Variants in SLC2A9 observed in about 807,000 individuals in gnomAD.
The protein encoded by SLC2A9 is solute carrier family 2, facilitated glucose transporter member 9.
SLC2A9 carries 39 observed loss-of-function variants against 50.6 expected under a neutral mutation model. The ratio of observed to expected loss-of-function variants is 0.77; its 90% CI spans 0.60 to 1.01. The LOEUF is 1.01. SLC2A9 is among the 50% of genes least tolerant of loss of function. The probability of loss-of-function intolerance (pLI) is 0.00; values close to 1 mark genes in which losing one functional copy is unlikely to be tolerated. For synonymous variants in SLC2A9, 324 were observed against 276.9 expected (o/e 1.17, Z -1.69); for missense variants, 686 against 677.6 (o/e 1.01, Z -0.14).
chr4:10,018,553 T>C (rs1390317438), intron 2 of SLC2A9, among the ~76,000 whole-genome samples: 2 of 143,074 alleles, frequency 1.4e-5, no homozygotes, highest in Admixed American at 1.4e-4. Context: ...AGATGATAGA[T>C]AGATAGATAG....
chr4:9,778,079 T>C (rs1717816196), downstream of SLC2A9, among the ~76,000 whole-genome samples: 1 of 149,970 alleles, frequency 6.7e-6, no homozygotes, highest in South Asian at 2.2e-4. Context: ...CTTCCTTCCT[T>C]CCTTCCTTCC....
intron 6 of SLC2A9, among the ~76,000 whole-genome samples, chr4:9,926,498 G>C (rs1341631399): frequency 6.6e-6 from 1 of 151,356 alleles, no homozygotes; most frequent in African/African-American, 2.4e-5. Context: ...GTTCGATGTT[G>C]GCACACACAA....
chr4:9,967,042 CT>C (rs796142162), intron 5 of SLC2A9, among the ~76,000 whole-genome samples: 11 of 152,206 alleles, frequency 7.2e-5, no homozygotes, highest in African/African-American at 2.7e-4. Flanking sequence ...CATACACTTG[CT>C]TATTCTCTTG....
intron 10 of SLC2A9, among the ~76,000 whole-genome samples, chr4:9,848,312 T>C (rs1729298795): frequency 6.7e-6 from 1 of 148,586 alleles, no homozygotes; most frequent in Admixed American, 6.8e-5. Context: ...CCAGCATAAG[T>C]AACTACACAA....
At chr4:10,036,024 C>A in intron 1 of SLC2A9, 1 of 205,210 alleles carries the variant, frequency 4.9e-6, no homozygotes, top group South Asian at 9.4e-5. Context: ...CCAGGGTCTC[C>A]AGCTTGCAGA....
chr4:9,791,282 C>T (rs1310744216), intron 3 of SLC2A9, among the ~76,000 whole-genome samples: 1 of 152,180 alleles, frequency 6.6e-6, no homozygotes, highest in African/African-American at 2.4e-5. Context: ...TCTCATTAAA[C>T]ATCTAGAGAA....
intron 3 of SLC2A9, among the ~76,000 whole-genome samples, chr4:9,810,191 C>A (rs1722695671): frequency 6.6e-6 from 1 of 152,084 alleles, no homozygotes; most frequent in Middle Eastern, 3.4e-3. Flanking sequence ...TCTTTACCAC[C>A]ATATGTCCAA....
intron 3 of SLC2A9, among the ~76,000 whole-genome samples, chr4:9,802,702 G>C (rs1721611218): frequency 6.6e-6 from 1 of 151,816 alleles, no homozygotes; most frequent in African/African-American, 2.4e-5. Flanking sequence ...GAGATTACAG[G>C]TGCCCACCAC....
intron 8 of SLC2A9, among the ~76,000 whole-genome samples, chr4:9,897,043 G>A (rs1228282217): frequency 6.6e-6 from 1 of 152,132 alleles, no homozygotes; most frequent in African/African-American, 2.4e-5. Context: ...GGTAGGTGCT[G>A]TTATCATCCA....
intron 10 of SLC2A9, among the ~76,000 whole-genome samples, chr4:9,836,773 G>A (rs1727182234): frequency 6.6e-6 from 1 of 152,224 alleles, no homozygotes; most frequent in African/African-American, 2.4e-5. Flanking sequence ...GTGTAGGAGA[G>A]GATGCAGCAG....
At chr4:9,997,015 C>G (rs961231673) in intron 2 of SLC2A9, 74 bp from the exon 3 acceptor site, 1 of 1,559,376 alleles carries the variant, frequency 6.4e-7, no homozygotes, top group African/African-American at 1.4e-5. Context: ...GTGTACAAAA[C>G]AAAACAGCTT....
intron 10 of SLC2A9, among the ~76,000 whole-genome samples, chr4:9,886,128 G>A (rs1736156903): frequency 6.6e-6 from 1 of 152,102 alleles, no homozygotes; most frequent in Non-Finnish European, 1.5e-5. Flanking sequence ...TGACATCTCA[G>A]AGGGGACTTC....
chr4:9,930,160 C>T (rs965312067), intron 6 of SLC2A9, among the ~76,000 whole-genome samples: 2 of 152,208 alleles, frequency 1.3e-5, no homozygotes, highest in African/African-American at 4.8e-5. Flanking sequence ...TCCCTTCCAC[C>T]TTTCCTCCTC....
rs530839970 is a variant in SLC2A9, at chr4:9,964,397, G to A, written c.681+16195C>T. On this transcript the variant is annotated intron_variant, in intron 5 of 11. Coordinates refer to ENST00000264784, the MANE Select transcript of SLC2A9 (RefSeq NM_020041.3). ...TCTGAAGTGGCAGGAAGAATGCAAAGGTGACAACCTCTAAACTTCTTTTCT... is the reference window on the plus strand; with the variant it reads ...TCTGAAGTGGCAGGAAGAATGCAAAAGTGACAACCTCTAAACTTCTTTTCT... Among the ~76,000 whole-genome samples, 7 of 152,278 alleles carry A rather than the reference G, an allele frequency of 4.6e-5. No homozygotes were observed. The East Asian group carries it at 1.4e-3, about 29-fold the overall frequency.
chr4:9,939,578 A>T (rs1747744217), intron 6 of SLC2A9, among the ~76,000 whole-genome samples: 2 of 151,798 alleles, frequency 1.3e-5, no homozygotes, highest in African/African-American at 4.8e-5. Flanking sequence ...TCCTTGGCCA[A>T]GTTATCCCAT....
intron 10 of SLC2A9, among the ~76,000 whole-genome samples, chr4:9,837,673 TA>T (rs1727314762): frequency 6.6e-6 from 1 of 152,240 alleles, no homozygotes; most frequent in Non-Finnish European, 1.5e-5. Context: ...GCTGAACACA[TA>T]CCAGGTGCTC....
At chr4:9,935,250 T>C (rs999094929) in intron 6 of SLC2A9, among the ~76,000 whole-genome samples, 1 of 152,234 alleles carries the variant, frequency 6.6e-6, no homozygotes, top group Admixed American at 6.5e-5. Context: ...TCCTCAATGG[T>C]TGAACTAATT....
At chr4:9,932,808 C>T (rs1746379221) in intron 6 of SLC2A9, among the ~76,000 whole-genome samples, 1 of 152,220 alleles carries the variant, frequency 6.6e-6, no homozygotes, top group African/African-American at 2.4e-5. Flanking sequence ...AACTGCCTGT[C>T]CTTACTCCCT....
chr4:9,803,057 A>G (rs1234400126), intron 3 of SLC2A9, among the ~76,000 whole-genome samples: 1 of 152,214 alleles, frequency 6.6e-6, no homozygotes, highest in African/African-American at 2.4e-5. Flanking sequence ...TGGCAAGTGT[A>G]TTGGCCTGGG....
Sources: gnomAD v4.1 joint callset for allele counts (sites outside exome capture counted in the v4.1 genomes callset) on GRCh38, gnomAD v4.1.1 for gene constraint, MANE v1.5 for transcripts, NCBI Gene and HGNC (gene_info 2026-07-23, HGNC 2026-07-21) for gene names.